The following ARHGAP5 variants were observed in gnomAD, a reference collection of about 807,000 sequenced individuals.
ARHGAP5 encodes the protein Rho GTPase activating protein 5.
In ARHGAP5, 23 loss-of-function variants were observed where a neutral mutation model predicts 116.6. That is an observed-to-expected ratio of 0.20 (90% CI 0.14 to 0.28). The LOEUF (loss-of-function observed/expected upper bound fraction) is 0.28, where lower values mean the gene tolerates loss of function less well. ARHGAP5 is among the 10% of genes least tolerant of loss of function. The probability of loss-of-function intolerance (pLI) is 1.00; values close to 1 mark genes in which losing one functional copy is unlikely to be tolerated. For synonymous variants in ARHGAP5, 574 were observed against 602.0 expected, an observed-to-expected ratio of 0.95 and a Z score of 0.68; for missense variants, 1,405 against 1,774.8, an observed-to-expected ratio of 0.79 and a Z score of 3.74.
At chr14:32,153,977 T>C (rs1222614525) in intron 6 of ARHGAP5, 2 of 152,016 alleles carry the variant, frequency 1.3e-5, no homozygotes, top group African/African-American at 4.8e-5. Context: ...TAGCCTGATA[T>C]TAGTGTCAAA....
intron 1 of ARHGAP5, among the ~76,000 whole-genome samples, chr14:32,084,753 A>G (rs558083249): frequency 6.6e-6 from 1 of 152,302 alleles, no homozygotes; most frequent in East Asian, 1.9e-4. Context: ...TCACATACAA[A>G]TTGTGTGCTT....
chr14:32,152,772 G>C (rs976432798), intron 6 of ARHGAP5, among the ~76,000 whole-genome samples: 7 of 152,036 alleles, frequency 4.6e-5, no homozygotes, highest in Non-Finnish European at 1.0e-4. Context: ...TAAAATCTTA[G>C]AATTTTAGAT....
intron 1 of ARHGAP5, among the ~76,000 whole-genome samples, chr14:32,079,823 G>C (rs2041754165): frequency 6.6e-6 from 1 of 152,090 alleles, no homozygotes; most frequent in South Asian, 2.1e-4. Context: ...ACTATTTTAA[G>C]AACTATTTAT....
intron 2 of ARHGAP5, among the ~76,000 whole-genome samples, chr14:32,101,817 T>C (rs1337158429): frequency 6.6e-6 from 1 of 152,060 alleles, no homozygotes; most frequent in Non-Finnish European, 1.5e-5. Context: ...AACCCGTCTC[T>C]ACTGAAAATA....
At position 32,093,202 on chromosome 14, in the gene ARHGAP5, G is replaced by C; in HGVS notation, c.2533G>C (p.Asp845His). 1.2e-6 allele frequency: 2 copies of C among 1,614,030 alleles called. No individual in the cohort carries two copies. Among genetic ancestry groups the C allele is most frequent in the Non-Finnish European group, 8.5e-7 (1 of 1,179,942 alleles). Residue 845 changes from aspartate (D) to histidine (H), a missense_variant, in exon 2 of 7, where the codon GAT becomes CAT. This residue lies in a region of ARHGAP5 where 944 missense variants were observed against 1,095.3 expected (regional missense o/e 0.86). Coordinates refer to ENST00000345122, the MANE Select transcript of ARHGAP5 (RefSeq NM_001030055.2). Reference protein sequence around the residue: ...SYHSSIGVRKDELVHGYILVY... With the variant: ...SYHSSIGVRKHELVHGYILVY... The stretch of plus-strand genomic sequence containing the variant: ...CCACTCTTCAATTGGAGTAAGAAAA[G>C]ATGAACTAGTTCATGGGTATATATT...
chr14:32,139,877 G>C (rs1207883706), intron 3 of ARHGAP5, among the ~76,000 whole-genome samples: 1 of 147,418 alleles, frequency 6.8e-6, no homozygotes, highest in South Asian at 2.1e-4. Flanking sequence ...TGTTCTTTTT[G>C]TTCATGTCAA....
intron 3 of ARHGAP5, among the ~76,000 whole-genome samples, chr14:32,140,237 T>G (rs763043844): frequency 3.3e-5 from 5 of 151,374 alleles, no homozygotes; most frequent in Admixed American, 3.3e-4. Context: ...CATCTAGAAG[T>G]GTTTTCTAAT....
At chr14:32,105,042 A>G (rs1278271263) in intron 2 of ARHGAP5, among the ~76,000 whole-genome samples, 2 of 152,170 alleles carry the variant, frequency 1.3e-5, no homozygotes, top group Non-Finnish European at 2.9e-5. Context: ...TTCACAGGCC[A>G]TCTTCCACAA....
intron 6 of ARHGAP5, chr14:32,153,877 A>T (rs951474159): frequency 6.6e-6 from 1 of 151,406 alleles, no homozygotes; most frequent in South Asian, 2.1e-4. Context: ...ACATAGTGAG[A>T]CTTGATTCTC....
chr14:32,108,072 C>G (rs1026939389), intron 2 of ARHGAP5, among the ~76,000 whole-genome samples: 2 of 152,054 alleles, frequency 1.3e-5, no homozygotes, highest in African/African-American at 4.8e-5. Flanking sequence ...GCTGAGAGAT[C>G]AAGGATGAAG....
chr14:32,103,768 G>A (rs1311786988), intron 2 of ARHGAP5, among the ~76,000 whole-genome samples: 2 of 152,222 alleles, frequency 1.3e-5, no homozygotes, highest in East Asian at 3.9e-4. Flanking sequence ...CAGCTAAAGT[G>A]TGGATGGAGT....
At chr14:32,102,957 A>T (rs985525795) in intron 2 of ARHGAP5, among the ~76,000 whole-genome samples, 2 of 152,212 alleles carry the variant, frequency 1.3e-5, no homozygotes, top group African/African-American at 4.8e-5. Context: ...GATTTTGCTG[A>T]AAATTAAATA....
chr14:32,135,638 G>T (rs1035135549), intron 3 of ARHGAP5, among the ~76,000 whole-genome samples: 1 of 152,226 alleles, frequency 6.6e-6, no homozygotes, highest in African/African-American at 2.4e-5. Context: ...GGCCAGGCTG[G>T]TCTCAAACTC....
rs1566660425 is a variant in ARHGAP5, at chr14:32,092,041, A to G, written c.1372A>G (p.Met458Val). 3.1e-6 allele frequency: 5 copies of G among 1,613,766 alleles called. No individual in the cohort carries two copies. Among genetic ancestry groups the G allele is most frequent in the Non-Finnish European group, 4.2e-6 (5 of 1,179,766 alleles). ...QPWEEVMCFVMEDEAYKYITE... is the reference protein window; with the variant it reads ...QPWEEVMCFVVEDEAYKYITE... ...ATGGGAGGAAGTTATGTGCTTTGTT[A>G]TGGAGGATGAAGCCTACAAATATAT... Residue 458 changes from methionine to valine, a missense_variant, in exon 2 of 7, where the codon ATG (methionine) becomes GTG (valine). Around this residue, in one of 6 missense-constraint regions of ARHGAP5, gnomAD observed 944 missense variants for 1,095.3 expected, o/e 0.86. Coordinates refer to ENST00000345122, the MANE Select transcript of ARHGAP5 (RefSeq NM_001030055.2). The surrounding 1 kb of genome is among the most constrained non-coding windows in gnomAD (Gnocchi z 4.1).
chr14:32,119,618 A>G (rs1241228793), intron 3 of ARHGAP5, among the ~76,000 whole-genome samples: 1 of 152,144 alleles, frequency 6.6e-6, no homozygotes, highest in South Asian at 2.1e-4. Context: ...TATTTTATTA[A>G]GTATAATGTT....
At chr14:32,118,349 T>C (rs955170515) in intron 3 of ARHGAP5, among the ~76,000 whole-genome samples, 2 of 151,940 alleles carry the variant, frequency 1.3e-5, no homozygotes, top group Admixed American at 6.6e-5. Flanking sequence ...ATACAAAAAT[T>C]ATCTGGGCAT....
chr14:32,090,542 A>G lies in ARHGAP5; in HGVS notation c.-128A>G. 1 of 805,118 alleles carries G rather than the reference A, an allele frequency of 1.2e-6. No individual in the cohort carries two copies. 49.9% of individuals were successfully genotyped at this position (805,118 alleles called of 1,614,324 possible). On this transcript the variant is annotated 5_prime_UTR_variant, in exon 2 of 7. Coordinates refer to ENST00000345122, the MANE Select transcript of ARHGAP5 (RefSeq NM_001030055.2). ...GATCTTGAAGATGTTTCTGCACAGA[A>G]ATGAGGGAAATACAAAGAACCAAAT...
At chr14:32,152,669 A>G in intron 6 of ARHGAP5, 141 bp downstream of exon 6, 1 of 487,394 alleles carries the variant, frequency 2.1e-6, no homozygotes, top group South Asian at 3.7e-5. Context: ...TTTCTAATTT[A>G]TATCTAAAAA....
chr14:32,135,529 T>A (rs192795824), intron 3 of ARHGAP5, among the ~76,000 whole-genome samples: 2 of 152,312 alleles, frequency 1.3e-5, no homozygotes, highest in Admixed American at 6.5e-5. Context: ...TTCAAGCAGT[T>A]CTCCTGCCTC....
Sources: allele counts gnomAD v4.1 joint callset (sites outside exome capture counted in the v4.1 genomes callset), GRCh38; gene constraint gnomAD v4.1.1; regional missense constraint gnomAD v4.1.1; non-coding constraint Gnocchi (gnomAD v3.1); transcripts MANE v1.5; gene names NCBI Gene and HGNC (gene_info 2026-07-23, HGNC 2026-07-21).